The following BMP7 variants were observed in gnomAD, a reference collection of about 807,000 sequenced individuals.
BMP7 encodes the protein bone morphogenetic protein 7.
In BMP7, 12 loss-of-function variants were observed where a neutral mutation model predicts 41.2. The ratio of observed to expected loss-of-function variants is 0.29; its 90% CI spans 0.19 to 0.47. The LOEUF (loss-of-function observed/expected upper bound fraction) is 0.47, where lower values mean the gene tolerates loss of function less well. Ranked by LOEUF, BMP7 falls within the 20% of genes least tolerant of loss-of-function variation. The pLI, the probability that BMP7 is intolerant of heterozygous loss-of-function variation, is 0.99. For synonymous variants in BMP7, 248 were observed against 250.0 expected, an observed-to-expected ratio of 0.99 and a Z score of 0.07; for missense variants, 467 against 606.0, an observed-to-expected ratio of 0.77 and a Z score of 2.41.
chr20:57,209,249 T>TTATATATA (rs57062226), intron 2 of BMP7, among the ~76,000 whole-genome samples: 3,406 of 94,402 alleles, frequency 0.036, 75 homozygotes, highest in Non-Finnish European at 0.04. Context: ...TTATATATTT[T>TTATATATA]TATATATATA....
intron 2 of BMP7, among the ~76,000 whole-genome samples, chr20:57,219,629 G>A (rs1027350784): frequency 6.6e-6 from 1 of 152,132 alleles, no homozygotes; most frequent in African/African-American, 2.4e-5. Flanking sequence ...GCGGAGGCTC[G>A]GAAACCGAAA....
intron 4 of BMP7, among the ~76,000 whole-genome samples, chr20:57,182,180 A>G (rs1380139698): frequency 6.6e-6 from 1 of 152,162 alleles, no homozygotes; most frequent in Non-Finnish European, 1.5e-5. Context: ...GTCTGGGAGG[A>G]GTCCCGATGC....
chr20:57,221,041 T>C (rs1377831654), intron 2 of BMP7, among the ~76,000 whole-genome samples: 2 of 152,180 alleles, frequency 1.3e-5, no homozygotes, highest in East Asian at 1.9e-4. Context: ...CATCCTTTCG[T>C]GCATTTGGTG....
intron 2 of BMP7, among the ~76,000 whole-genome samples, chr20:57,227,109 G>A (rs925545436): frequency 1.3e-5 from 2 of 152,144 alleles, no homozygotes; most frequent in African/African-American, 4.8e-5. Context: ...TTACAGGCGT[G>A]AGCTACCACA....
At position 57,266,136 on chromosome 20, in the gene BMP7, C is replaced by A. The variant is rs1233937905; in HGVS notation, c.-14G>T. The A allele has an allele frequency of 3.3e-6, 5 of 1,520,346 alleles. No individual in the cohort carries two copies. In the East Asian group the frequency reaches 9.9e-5, roughly 30 times the overall value. 94.2% of individuals were successfully genotyped at this position (1,520,346 alleles called of 1,614,324 possible). A position where few individuals can be genotyped will look rare whatever the true frequency, so the allele number is the denominator to read the frequency against. ...GCGCACGTGCATCGCGCCGGCTCTA[C>A]GCGCTACCCGGGCTCCGGGCTCCGG... On this transcript the variant is annotated 5_prime_UTR_variant, in exon 1 of 7. Coordinates refer to ENST00000395863, the MANE Select transcript of BMP7 (RefSeq NM_001719.3).
rs142299309 is a variant in BMP7 at position 57,210,261 on chromosome 20, C to A, written c.612-7638G>T. Among the ~76,000 whole-genome samples the A allele has an allele frequency of 1.1e-4, 17 of 152,338 alleles. No homozygotes were observed. The East Asian group carries it at 1.9e-3, about 17-fold the overall frequency. ...CAGCGTGCTGCTGGGCTTTCAGGTG[C>A]CTCCTCCCAAGGACGCCCAGGTGAA... On this transcript the variant is annotated intron_variant, in intron 2 of 6. Coordinates refer to ENST00000395863, the MANE Select transcript of BMP7 (RefSeq NM_001719.3).
At chr20:57,217,137 G>T (rs2123106329) in intron 2 of BMP7, among the ~76,000 whole-genome samples, 1 of 152,204 alleles carries the variant, frequency 6.6e-6, no homozygotes, top group East Asian at 1.9e-4. Flanking sequence ...GAGGCTCCTG[G>T]TTCCAGCTCT....
chr20:57,173,438 C>G, intron 5 of BMP7, 128 bp from the exon 6 acceptor site: 1 of 908,550 alleles, frequency 1.1e-6, no homozygotes, highest in South Asian at 1.4e-5. Context: ...ACCATGCCTT[C>G]TGAGCAGCAG....
chr20:57,200,045 G>A (rs746689392), intron 3 of BMP7, among the ~76,000 whole-genome samples: 22 of 152,206 alleles, frequency 1.4e-4, no homozygotes, highest in African/African-American at 3.9e-4. Context: ...ATGGAGCCCC[G>A]GCGGGTTCTC....
rs141347203 is a variant in BMP7 at position 57,188,908 on chromosome 20, G to A, written c.761-4989C>T. Reference sequence around the variant, plus strand: ...CGGCAAGGCCAAGATTCGAACCCTGGTCTGTCAAAACCAAAGCCTGCATTC... The same window carrying A: ...CGGCAAGGCCAAGATTCGAACCCTGATCTGTCAAAACCAAAGCCTGCATTC... On this transcript the variant is annotated intron_variant, in intron 3 of 6. Transcript: ENST00000395863. 9.8e-5 allele frequency among the ~76,000 whole-genome samples: 15 copies of A among 152,326 alleles called. No homozygotes were observed. In the East Asian group the frequency reaches 2.9e-3, roughly 29 times the overall value.
intron 1 of BMP7, among the ~76,000 whole-genome samples, chr20:57,248,807 T>TA: frequency 7.0e-6 from 1 of 143,390 alleles, no homozygotes; most frequent in South Asian, 2.3e-4. Context: ...TGTTTTGTTT[T>TA]GTTTTTTTTG....
chr20:57,218,040 C>T (rs1985074510), intron 2 of BMP7, among the ~76,000 whole-genome samples: 1 of 152,314 alleles, frequency 6.6e-6, no homozygotes, highest in East Asian at 1.9e-4. Flanking sequence ...CATCTGTATC[C>T]AGGGAGATGG....
intron 1 of BMP7, among the ~76,000 whole-genome samples, chr20:57,235,034 A>G (rs1182115930): frequency 6.6e-6 from 1 of 152,154 alleles, no homozygotes; most frequent in African/African-American, 2.4e-5. Flanking sequence ...CCTCCCAAAC[A>G]CCAGTCCCTC....
chr20:57,206,225 A>C (rs1317710861), intron 2 of BMP7, among the ~76,000 whole-genome samples: 1 of 152,150 alleles, frequency 6.6e-6, no homozygotes, highest in Non-Finnish European at 1.5e-5. Context: ...GAGGTAAGGA[A>C]GGCTCAGGGT....
intron 4 of BMP7, among the ~76,000 whole-genome samples, chr20:57,179,422 C>T (rs1321525488): frequency 3.9e-5 from 6 of 152,338 alleles, no homozygotes; most frequent in African/African-American, 1.4e-4. Flanking sequence ...CTGGCAAAGG[C>T]GGCTGCTTAC....
At chr20:57,256,335 A>C (rs1029589104) in intron 1 of BMP7, among the ~76,000 whole-genome samples, 1 of 152,240 alleles carries the variant, frequency 6.6e-6, no homozygotes, top group Non-Finnish European at 1.5e-5. Flanking sequence ...CCCACAACTT[A>C]CTTCCCACAT....
intron 2 of BMP7, among the ~76,000 whole-genome samples, chr20:57,210,665 G>A (rs543091696): frequency 1.7e-4 from 26 of 152,318 alleles, no homozygotes; most frequent in Non-Finnish European, 3.2e-4. Flanking sequence ...ACCCAGGCAC[G>A]CGTTGGAGCC....
chr20:57,226,643 G>A (rs1284709104), intron 2 of BMP7, among the ~76,000 whole-genome samples: 1 of 152,192 alleles, frequency 6.6e-6, no homozygotes, highest in Non-Finnish European at 1.5e-5. Context: ...AGGCAGGAGT[G>A]AGTGCACTGT....
At position 57,228,261 on chromosome 20, in the gene BMP7, G is replaced by C; in HGVS notation, c.579C>G (p.Ser193Arg). 6.2e-7 allele frequency: 1 copy of C among 1,613,940 alleles called. No homozygotes were observed. Among genetic ancestry groups the C allele is most frequent in the Non-Finnish European group, 8.5e-7 (1 of 1,180,032 alleles). ...ERFDNETFRISVYQVLQEHLG... is the reference protein window; with the variant it reads ...ERFDNETFRIRVYQVLQEHLG... Reference sequence around the variant, plus strand: ...AGTGCTCCTGGAGCACCTGATAAACGCTGATCCGGAACGTCTCATTGTCGA... The same window carrying C: ...AGTGCTCCTGGAGCACCTGATAAACCCTGATCCGGAACGTCTCATTGTCGA... Residue 193 changes from serine (S) to arginine (R), a missense_variant, in exon 2 of 7, where the codon AGC becomes AGG. Coordinates refer to ENST00000395863, the MANE Select transcript of BMP7 (RefSeq NM_001719.3). The surrounding 1 kb of genome is among the most constrained non-coding windows in gnomAD (Gnocchi z 4.5).
Sources: gnomAD v4.1 joint callset for allele counts (sites outside exome capture counted in the v4.1 genomes callset) on GRCh38, gnomAD v4.1.1 for gene constraint, Gnocchi (gnomAD v3.1) non-coding constraint, MANE v1.5 for transcripts, NCBI Gene and HGNC (gene_info 2026-07-23, HGNC 2026-07-21) for gene names.